The following TBC1D19 variants were observed in gnomAD, a reference collection of about 807,000 sequenced individuals.
TBC1D19 encodes the protein TBC1 domain family, member 19.
In TBC1D19, 60 loss-of-function variants were observed where a neutral mutation model predicts 89.0. The ratio of observed to expected loss-of-function variants is 0.67; its 90% CI spans 0.55 to 0.84. The LOEUF is 0.84. Among genes scored for constraint, TBC1D19 ranks in the 40% least tolerant of loss-of-function variants. TBC1D19 has a pLI of 0.00. For synonymous variants in TBC1D19, 189 were observed against 199.7 expected, an observed-to-expected ratio of 0.95 and a Z score of 0.45; for missense variants, 500 against 610.8, an observed-to-expected ratio of 0.82 and a Z score of 1.91.
the TBC1D19 span, among the ~76,000 whole-genome samples, chr4:26,824,927 T>C: frequency 1.2e-4 from 18 of 152,332 alleles, no homozygotes; most frequent in Admixed American, 2.0e-4. Flanking sequence ...TGTTTAACGA[T>C]ATACATTGCC....
intron 1 of TBC1D19, among the ~76,000 whole-genome samples, chr4:26,610,519 C>T (rs763167121): frequency 6.0e-5 from 9 of 150,192 alleles, no homozygotes; most frequent in East Asian, 3.9e-4. Flanking sequence ...TTGTTTGTCA[C>T]GGGGGTTTGG....
the TBC1D19 span, among the ~76,000 whole-genome samples, chr4:26,817,975 A>ACATATATATATATAT: frequency 5.3e-4 from 56 of 105,190 alleles, no homozygotes; most frequent in African/African-American, 1.7e-3. Flanking sequence ...ATTTAAAAAA[A>ACATATATATATATAT]AAAAAAATAT....
chr4:26,690,283 T>G (rs75771026), intron 13 of TBC1D19, among the ~76,000 whole-genome samples: 307 of 152,272 alleles, frequency 2.0e-3, no homozygotes, highest in African/African-American at 7.0e-3. Flanking sequence ...TCTCCATAAC[T>G]TAAAAAATGC....
chr4:26,835,021 A>G, the TBC1D19 span, among the ~76,000 whole-genome samples: 2 of 152,236 alleles, frequency 1.3e-5, no homozygotes, highest in Non-Finnish European at 2.9e-5. Flanking sequence ...GCCTCCAAAG[A>G]TGTCCACCTC....
chr4:26,620,510 G>A, intron 3 of TBC1D19, 103 bp from the exon 4 acceptor site: 1 of 919,994 alleles, frequency 1.1e-6, no homozygotes, highest in South Asian at 1.8e-5. Flanking sequence ...AATATAAAAT[G>A]AAATGTTACT....
At chr4:26,835,204 A>G in the TBC1D19 span, among the ~76,000 whole-genome samples, 2 of 152,176 alleles carry the variant, frequency 1.3e-5, no homozygotes, top group African/African-American at 4.8e-5. Flanking sequence ...AATCATAGAG[A>G]GAGTTTAGAA....
the TBC1D19 span, among the ~76,000 whole-genome samples, chr4:26,805,202 C>T: frequency 6.6e-6 from 1 of 152,194 alleles, no homozygotes; most frequent in Admixed American, 6.5e-5. Context: ...AAAGGAAGTG[C>T]TTAGTAAAAG....
At chr4:26,748,952 A>G (rs551034117) in intron 19 of TBC1D19, among the ~76,000 whole-genome samples, 8 of 152,170 alleles carry the variant, frequency 5.3e-5, no homozygotes, top group Non-Finnish European at 8.8e-5. Context: ...GCCTCCCTAC[A>G]TGGCTGAAAC....
chr4:26,817,795 C>T, the TBC1D19 span, among the ~76,000 whole-genome samples: 1 of 151,594 alleles, frequency 6.6e-6, no homozygotes, highest in African/African-American at 2.4e-5. Context: ...TGGTGAAACC[C>T]CGTCTCAACT....
At chr4:26,797,300 G>T in the TBC1D19 span, among the ~76,000 whole-genome samples, 42 of 151,976 alleles carry the variant, frequency 2.8e-4, no homozygotes, top group African/African-American at 1.0e-3. Flanking sequence ...TCCCCGCAGT[G>T]GCCACAAAAG....
chr4:26,800,001 T>G, the TBC1D19 span, among the ~76,000 whole-genome samples: 12 of 152,206 alleles, frequency 7.9e-5, no homozygotes, highest in Non-Finnish European at 1.6e-4. Flanking sequence ...TACATTTCTT[T>G]TTTTAAATTT....
the TBC1D19 span, among the ~76,000 whole-genome samples, chr4:26,846,213 T>G: frequency 6.6e-6 from 1 of 152,204 alleles, no homozygotes; most frequent in Non-Finnish European, 1.5e-5. Context: ...TGTGAATATC[T>G]TATATTTTTT....
At chr4:26,725,880 A>T (rs1037050897) in intron 15 of TBC1D19, among the ~76,000 whole-genome samples, 4 of 152,306 alleles carry the variant, frequency 2.6e-5, no homozygotes, top group African/African-American at 9.6e-5. Flanking sequence ...TTATTGAATA[A>T]GTGAGGGAAT....
At chr4:26,726,997 T>C (rs973259111) in intron 15 of TBC1D19, among the ~76,000 whole-genome samples, 1 of 152,220 alleles carries the variant, frequency 6.6e-6, no homozygotes, top group Non-Finnish European at 1.5e-5. Context: ...TTGAGTGGAA[T>C]AGGCAGTTAA....
Position 26,754,504 on chromosome 4 carries a change from T to C in TBC1D19, c.1507-369T>C, listed in dbSNP as rs142345085. On this transcript the variant is annotated intron_variant, in intron 20 of 20. Coordinates refer to ENST00000264866, the MANE Select transcript of TBC1D19 (RefSeq NM_018317.4). ...CATCTTGTAACTGAATAAACATTAGTTCCATCTCAAAATGATTTCCTGCAG... is the reference window on the plus strand; with the variant it reads ...CATCTTGTAACTGAATAAACATTAGCTCCATCTCAAAATGATTTCCTGCAG... Among the ~76,000 whole-genome samples, 608 of 152,332 alleles carry C rather than the reference T, an allele frequency of 4.0e-3. 2 individuals are homozygous for C. Among genetic ancestry groups the C allele is most frequent in the South Asian group, 0.026 (124 of 4,824 alleles).
intron 8 of TBC1D19, among the ~76,000 whole-genome samples, chr4:26,664,372 T>C (rs1276954580): frequency 6.6e-6 from 1 of 152,198 alleles, no homozygotes; most frequent in African/African-American, 2.4e-5. Context: ...TGTCCAGAGT[T>C]CTGTTCATGC....
intron 18 of TBC1D19, among the ~76,000 whole-genome samples, chr4:26,743,746 T>C (rs923484432): frequency 2.0e-5 from 3 of 151,898 alleles, no homozygotes; most frequent in African/African-American, 7.2e-5. Flanking sequence ...CTATTCATGA[T>C]TCAGAAATAT....
rs532505424 is a variant in TBC1D19, at chr4:26,706,378, G to A, written c.955-11555G>A. 5.3e-5 allele frequency among the ~76,000 whole-genome samples: 8 copies of A among 151,938 alleles called. No individual in the cohort carries two copies. In the South Asian group the frequency reaches 8.3e-4, roughly 16 times the overall value. ...TTCTTTAGAGTCAGTGGTAATATTC[G>A]CAGTTTCATTTCTTATTTTAATAAT... On this transcript the variant is annotated intron_variant, in intron 13 of 20. Transcript: ENST00000264866.
chr4:26,683,744 T>C lies in TBC1D19; in HGVS notation c.886T>C (p.Tyr296His). The C allele has an allele frequency of 2.5e-6, 4 of 1,609,234 alleles. No individual in the cohort carries two copies. Among genetic ancestry groups the C allele is most frequent in the Non-Finnish European group, 3.4e-6 (4 of 1,178,544 alleles). ...TGACCTTTTGGTGGACAGTCTAATC[T>C]ATAAAGTAAGTAAAAGTCAGCTTAG... ...QHDLLVDSLI[Y>H]KDVKLTASND... The change falls in exon 12 of 21, where the codon TAT becomes CAT. Residue 296 changes from tyrosine to histidine, a missense_variant. This residue lies in a region of TBC1D19 where 220 missense variants were observed against 319.1 expected (regional missense o/e 0.69). Transcript: ENST00000264866.
Sources: allele counts gnomAD v4.1 joint callset (sites outside exome capture counted in the v4.1 genomes callset), GRCh38; gene constraint gnomAD v4.1.1; regional missense constraint gnomAD v4.1.1; transcripts MANE v1.5; gene names NCBI Gene and HGNC (gene_info 2026-07-23, HGNC 2026-07-21).